WDR7: variants seen among roughly 807,000 people sequenced by gnomAD.
The protein encoded by WDR7 is WD repeat-containing protein 7.
In WDR7, 46 loss-of-function variants were observed where a neutral mutation model predicts 169.4. The observed-to-expected ratio is 0.27, with a 90% CI of 0.21 to 0.35. The LOEUF (loss-of-function observed/expected upper bound fraction) is 0.35, where lower values mean the gene tolerates loss of function less well. WDR7 is among the 10% of genes least tolerant of loss of function. The pLI, the probability that WDR7 is intolerant of heterozygous loss-of-function variation, is 1.00. For synonymous variants in WDR7, 612 were observed against 666.8 expected, an observed-to-expected ratio of 0.92 and a Z score of 1.27; for missense variants, 1,534 against 1,859.3, an observed-to-expected ratio of 0.83 and a Z score of 3.22.
At chr18:56,655,618 CA>C (rs56899358) in intron 1 of WDR7, among the ~76,000 whole-genome samples, 47 of 133,996 alleles carry the variant, frequency 3.5e-4, no homozygotes, top group African/African-American at 1.5e-3. Context: ...GACCCTGTCT[CA>C]AAAAAAAAAA....
At chr18:56,886,051 A>G (rs1392652695) in intron 21 of WDR7, among the ~76,000 whole-genome samples, 1 of 152,202 alleles carries the variant, frequency 6.6e-6, no homozygotes, top group South Asian at 2.1e-4. Flanking sequence ...AGTTTGGAAA[A>G]CATATTTGAG....
At chr18:56,752,020 A>G (rs577011258) in intron 14 of WDR7, among the ~76,000 whole-genome samples, 107 of 152,298 alleles carry the variant, frequency 7.0e-4, no homozygotes, top group Middle Eastern at 3.4e-3. Flanking sequence ...TGTTTATACA[A>G]TTAAGTTTGA....
intron 25 of WDR7, among the ~76,000 whole-genome samples, chr18:56,942,530 G>A (rs2047048080): frequency 6.6e-6 from 1 of 152,108 alleles, no homozygotes; most frequent in South Asian, 2.1e-4. Flanking sequence ...GGGTGGTCCT[G>A]GTAACATTTT....
chr18:56,757,276 A>G lies in WDR7; in HGVS notation c.2683A>G (p.Ile895Val), dbSNP rs772875519. The G allele has an allele frequency of 1.3e-5, 21 of 1,614,126 alleles. No individual in the cohort carries two copies. Among genetic ancestry groups the G allele is most frequent in the Non-Finnish European group, 1.5e-5 (18 of 1,180,022 alleles). The change falls in exon 15 of 28, where the codon ATT becomes GTT. Residue 895 changes from isoleucine to valine, a missense_variant. Transcript: ENST00000254442. Reference protein sequence around the residue: ...AVTTQHLLSIISLANTLMSMT... With the variant: ...AVTTQHLLSIVSLANTLMSMT... ...CACCACACAGCATCTCCTGTCTATCATTTCTTTGGCAAATACTTTAATGAG... is the reference window on the plus strand; with the variant it reads ...CACCACACAGCATCTCCTGTCTATCGTTTCTTTGGCAAATACTTTAATGAG...
intron 1 of WDR7, among the ~76,000 whole-genome samples, chr18:56,652,190 C>T (rs1184497698): frequency 6.6e-6 from 1 of 152,108 alleles, no homozygotes; most frequent in Admixed American, 6.5e-5. Context: ...ATGTTTTTTA[C>T]CCACTTAGTA....
At chr18:57,005,597 G>A (rs1326136446) in intron 26 of WDR7, among the ~76,000 whole-genome samples, 1 of 152,076 alleles carries the variant, frequency 6.6e-6, no homozygotes, top group African/African-American at 2.4e-5. Context: ...GTATATTTGG[G>A]TAGGGTTTTC....
At chr18:56,834,104 C>T (rs1321794560) in intron 20 of WDR7, among the ~76,000 whole-genome samples, 2 of 152,210 alleles carry the variant, frequency 1.3e-5, no homozygotes, top group African/African-American at 4.8e-5. Flanking sequence ...TCCTAGAGGC[C>T]ATCCTCAGTT....
At chr18:56,796,334 C>A (rs1370152525) in intron 19 of WDR7, among the ~76,000 whole-genome samples, 1 of 152,182 alleles carries the variant, frequency 6.6e-6, no homozygotes, top group African/African-American at 2.4e-5. Flanking sequence ...CACTGCCCCA[C>A]TCAAGTGATT....
intron 12 of WDR7, among the ~76,000 whole-genome samples, chr18:56,702,036 G>T (rs193143052): frequency 3.0e-4 from 46 of 152,264 alleles, no homozygotes; most frequent in African/African-American, 8.4e-4. Flanking sequence ...GGGTGAATTA[G>T]CAAAATCTGA....
rs574665672 is a variant in WDR7 at position 56,982,364 on chromosome 18, C to T, written c.4164+19835C>T. On this transcript the variant is annotated intron_variant, in intron 26 of 27. Coordinates refer to ENST00000254442, the MANE Select transcript of WDR7 (RefSeq NM_015285.3). ...ATTATTCGTTTCACAACAAAGGCTT[C>T]CTTTTCATATTAGCAAAGGTATCAG... Among the ~76,000 whole-genome samples, 6 of 152,270 alleles carry T rather than the reference C, an allele frequency of 3.9e-5. No individual in the cohort carries two copies. The South Asian group carries it at 1.2e-3, about 32-fold the overall frequency.
At chr18:56,787,719 C>A (rs1008099624) in intron 19 of WDR7, among the ~76,000 whole-genome samples, 1 of 152,088 alleles carries the variant, frequency 6.6e-6, no homozygotes, top group African/African-American at 2.4e-5. Context: ...CTATTTTAAC[C>A]TGGAATTGAA....
intron 25 of WDR7, among the ~76,000 whole-genome samples, chr18:56,961,926 T>C (rs1404720157): frequency 1.3e-5 from 2 of 152,160 alleles, no homozygotes; most frequent in East Asian, 3.9e-4. Context: ...ATAAATTTTA[T>C]GTAGTCTTTT....
rs1386549978 is a variant in WDR7 at position 56,867,006 on chromosome 18, C to CTTAT, written c.3305-12935_3305-12934insTTTA. 2.7e-3 allele frequency among the ~76,000 whole-genome samples: 397 copies of CTTAT among 146,344 alleles called. 1 individual carries two copies. Among genetic ancestry groups the CTTAT allele is most frequent in the African/African-American group, 0.01 (377 of 36,234 alleles). On this transcript the variant is annotated intron_variant, in intron 20 of 27. Coordinates refer to ENST00000254442, the MANE Select transcript of WDR7 (RefSeq NM_015285.3). ...ATCTATTATGCAACAACTTTATTTA[C>CTTAT]TTACTTATTTATTTATTTATTTATT...
At chr18:56,783,296 G>T (rs2044347664) in intron 19 of WDR7, among the ~76,000 whole-genome samples, 1 of 152,028 alleles carries the variant, frequency 6.6e-6, no homozygotes, top group African/African-American at 2.4e-5. Context: ...GGGATGAAAA[G>T]AACTTTGTCT....
chr18:56,664,181 C>T (rs1404227476), intron 1 of WDR7, among the ~76,000 whole-genome samples: 5 of 152,106 alleles, frequency 3.3e-5, no homozygotes, highest in Non-Finnish European at 7.4e-5. Context: ...GAGAGCTCTG[C>T]CCTGGAGTGT....
intron 24 of WDR7, 61 bp from the exon 25 acceptor site, chr18:56,939,250 T>C: frequency 6.9e-6 from 9 of 1,301,128 alleles, no homozygotes; most frequent in Non-Finnish European, 6.3e-6. Flanking sequence ...AAATTAATCA[T>C]TTACATTTTG....
intron 26 of WDR7, among the ~76,000 whole-genome samples, chr18:56,976,948 G>A (rs114264154): frequency 5.5e-4 from 84 of 152,284 alleles, no homozygotes; most frequent in Middle Eastern, 3.4e-3. Context: ...CAAGTCAACA[G>A]GAAAATAACA....
chr18:56,904,225 A>G (rs903460780), intron 21 of WDR7, among the ~76,000 whole-genome samples: 1 of 151,858 alleles, frequency 6.6e-6, no homozygotes, highest in African/African-American at 2.4e-5. Flanking sequence ...ACCTGCCACT[A>G]TGCCCAGCTA....
chr18:56,771,567 A>AT (rs1555688965), intron 16 of WDR7, among the ~76,000 whole-genome samples: 10 of 71,546 alleles, frequency 1.4e-4, no homozygotes, highest in Non-Finnish European at 2.1e-4. Context: ...ACCCTCCCCC[A>AT]CCCCCCCCCA....
Sources: gnomAD v4.1 joint callset for allele counts (sites outside exome capture counted in the v4.1 genomes callset) on GRCh38, gnomAD v4.1.1 for gene constraint, MANE v1.5 for transcripts, NCBI Gene and HGNC (gene_info 2026-07-23, HGNC 2026-07-21) for gene names.